IFNG-AS1: variants seen among roughly 807,000 people sequenced by gnomAD.
The protein encoded by IFNG-AS1 is IFNG antisense RNA 1 (non-protein coding).
intron 2 of IFNG-AS1, among the ~76,000 whole-genome samples, chr12:67,999,094 T>C (rs1879707457): frequency 6.6e-6 from 1 of 151,850 alleles, no homozygotes; most frequent in African/African-American, 2.4e-5. Flanking sequence ...CTGATGGTGA[T>C]AGATAGATGA....
At chr12:68,008,796 T>C (rs1469319493) in intron 3 of IFNG-AS1, among the ~76,000 whole-genome samples, 2 of 152,162 alleles carry the variant, frequency 1.3e-5, no homozygotes, top group Non-Finnish European at 2.9e-5. Context: ...ATGAATTTTC[T>C]TTTTTCCTCT....
chr12:68,000,845 T>A (rs1176486344), intron 2 of IFNG-AS1, among the ~76,000 whole-genome samples: 1 of 152,210 alleles, frequency 6.6e-6, no homozygotes, highest in Non-Finnish European at 1.5e-5. Flanking sequence ...AATTTTTTTA[T>A]AAATTAATCC....
intron 2 of IFNG-AS1, among the ~76,000 whole-genome samples, chr12:68,002,868 G>GAGCC (rs1488558147): frequency 1.3e-5 from 2 of 152,176 alleles, no homozygotes; most frequent in African/African-American, 4.8e-5. Flanking sequence ...AAGTATCAGT[G>GAGCC]AGCCACATGC....
chr12:68,011,666 G>C (rs57346651), intron 3 of IFNG-AS1, among the ~76,000 whole-genome samples: 5 of 152,138 alleles, frequency 3.3e-5, no homozygotes, highest in African/African-American at 7.2e-5. Flanking sequence ...TGGGAGTGCT[G>C]GTGTCAACAG....
At chr12:68,020,315 G>A (rs1389684684) in intron 4 of IFNG-AS1, 2 of 152,184 alleles carry the variant, frequency 1.3e-5, no homozygotes, top group African/African-American at 4.8e-5. Context: ...AATCAGGCCT[G>A]TGCTTTAGTA....
At chr12:68,015,444 C>A (rs1880128752) in intron 3 of IFNG-AS1, among the ~76,000 whole-genome samples, 1 of 152,126 alleles carries the variant, frequency 6.6e-6, no homozygotes. Context: ...GTGTCAGGAG[C>A]AAGCAATCCC....
chr12:68,004,867 C>T (rs1035067181), intron 2 of IFNG-AS1, among the ~76,000 whole-genome samples: 4 of 152,068 alleles, frequency 2.6e-5, no homozygotes, highest in Admixed American at 6.5e-5. Flanking sequence ...GATGCATATA[C>T]TAAAAACCTG....
chr12:67,990,206 C>A (rs1178875934), intron 1 of IFNG-AS1, among the ~76,000 whole-genome samples: 1 of 152,164 alleles, frequency 6.6e-6, no homozygotes, highest in Non-Finnish European at 1.5e-5. Context: ...ATTTTCCCAG[C>A]CATATTGCCA....
intron 1 of IFNG-AS1, among the ~76,000 whole-genome samples, chr12:67,990,961 TTGG>T (rs1213403889): frequency 6.6e-6 from 1 of 152,214 alleles, no homozygotes; most frequent in African/African-American, 2.4e-5. Context: ...CCTATGTGGT[TTGG>T]TGAAGCACCA....
intron 3 of IFNG-AS1, among the ~76,000 whole-genome samples, chr12:68,015,492 T>C (rs1396028897): frequency 1.3e-5 from 2 of 152,126 alleles, no homozygotes; most frequent in African/African-American, 2.4e-5. Flanking sequence ...CATCTCCTCA[T>C]ATGTGCTACT....
chr12:68,016,394 C>G (rs920862716), intron 3 of IFNG-AS1, among the ~76,000 whole-genome samples: 2 of 152,086 alleles, frequency 1.3e-5, no homozygotes, highest in African/African-American at 4.8e-5. Context: ...CACCCACCAC[C>G]ATGATTCCCC....
At chr12:67,999,772 A>T (rs1879725261) in intron 2 of IFNG-AS1, among the ~76,000 whole-genome samples, 1 of 152,232 alleles carries the variant, frequency 6.6e-6, no homozygotes, top group Admixed American at 6.5e-5. Flanking sequence ...TATAAGAAAC[A>T]GGATATTTAC....
At chr12:68,012,247 G>A (rs984516967) in intron 3 of IFNG-AS1, among the ~76,000 whole-genome samples, 1 of 152,128 alleles carries the variant, frequency 6.6e-6, no homozygotes, top group African/African-American at 2.4e-5. Flanking sequence ...ACTAGGGAAA[G>A]CTTTTATCTG....
At chr12:68,016,679 C>T (rs974894328) in intron 3 of IFNG-AS1, among the ~76,000 whole-genome samples, 1 of 152,142 alleles carries the variant, frequency 6.6e-6, no homozygotes, top group Non-Finnish European at 1.5e-5. Context: ...TTCCTCTTTG[C>T]TTTCTCATTC....
intron 3 of IFNG-AS1, among the ~76,000 whole-genome samples, chr12:68,014,969 G>T (rs1318613438): frequency 6.6e-6 from 1 of 152,022 alleles, no homozygotes; most frequent in African/African-American, 2.4e-5. Context: ...TATACAAACA[G>T]ATTTTGAGAT....
intron 1 of IFNG-AS1, among the ~76,000 whole-genome samples, chr12:67,990,574 C>A (rs1389502761): frequency 6.6e-6 from 1 of 151,288 alleles, no homozygotes; most frequent in Non-Finnish European, 1.5e-5. Context: ...CTTTATACAC[C>A]TAAGGGTTTG....
intron 2 of IFNG-AS1, chr12:68,001,534 C>T (rs1879769700): frequency 4.5e-6 from 1 of 221,472 alleles, no homozygotes; most frequent in Non-Finnish European, 9.3e-6. Context: ...TACTGAAAAC[C>T]TTGCGAGCAG....
chr12:67,995,716 G>A (rs1387722523), intron 1 of IFNG-AS1, among the ~76,000 whole-genome samples: 5 of 145,654 alleles, frequency 3.4e-5, no homozygotes, highest in Admixed American at 6.8e-5. Flanking sequence ...AGTGAGACTC[G>A]GTCTCCAAAA....
intron 3 of IFNG-AS1, among the ~76,000 whole-genome samples, chr12:68,014,667 T>A (rs1236710540): frequency 1.3e-5 from 2 of 152,148 alleles, no homozygotes; most frequent in Non-Finnish European, 2.9e-5. Context: ...GCAGACTGCT[T>A]TTGGACTTGA....
Sources: allele counts gnomAD v4.1 joint callset (sites outside exome capture counted in the v4.1 genomes callset), GRCh38; gene constraint gnomAD v4.1.1; transcripts MANE v1.5; gene names NCBI Gene and HGNC (gene_info 2026-07-23, HGNC 2026-07-21).